The following RSPO3 variants were observed in gnomAD, a reference collection of about 807,000 sequenced individuals.
RSPO3 encodes R-spondin-3.
A neutral mutation model predicts 36.5 loss-of-function variants in RSPO3; 17 were observed. That is an observed-to-expected ratio of 0.47 (90% CI 0.32 to 0.70). RSPO3 has a LOEUF of 0.70. Ranked by LOEUF, RSPO3 falls within the 30% of genes least tolerant of loss-of-function variation. The pLI is 0.04. For synonymous variants in RSPO3, 108 were observed against 107.0 expected (o/e 1.01, Z -0.06); for missense variants, 294 against 322.5 (o/e 0.91, Z 0.68).
intron 4 of RSPO3, among the ~76,000 whole-genome samples, chr6:127,187,149 C>CA (rs1182370926): frequency 6.6e-6 from 1 of 151,466 alleles, no homozygotes; most frequent in Non-Finnish European, 1.5e-5. Context: ...ACGAGTGTTA[C>CA]AAAAAAAAGA....
intron 4 of RSPO3, among the ~76,000 whole-genome samples, chr6:127,175,667 C>T (rs1188259802): frequency 6.6e-6 from 1 of 151,734 alleles, no homozygotes; most frequent in Non-Finnish European, 1.5e-5. Flanking sequence ...AATTTTAGCA[C>T]AGTTGTGACA....
At chr6:127,174,929 T>C (rs1437712856) in intron 4 of RSPO3, among the ~76,000 whole-genome samples, 1 of 151,744 alleles carries the variant, frequency 6.6e-6, no homozygotes, top group Admixed American at 6.6e-5. Context: ...CAGCTTTATC[T>C]TAAACTTTAA....
At position 127,142,167 on chromosome 6, in the gene RSPO3, G is replaced by A. The variant is rs564281580; in HGVS notation, c.98-6481G>A. Among the ~76,000 whole-genome samples, 23 of 152,136 alleles carry A rather than the reference G, an allele frequency of 1.5e-4. 1 individual carries two copies. Among genetic ancestry groups the A allele is most frequent in the African/African-American group, 5.1e-4 (21 of 41,530 alleles). ...AATATCATAGTTTGATAATCCAAAAGGAGTGTTGTATCCAAATAAGTAATT... is the reference window on the plus strand; with the variant it reads ...AATATCATAGTTTGATAATCCAAAAAGAGTGTTGTATCCAAATAAGTAATT... On this transcript the variant is annotated intron_variant, in intron 1 of 4. Coordinates refer to ENST00000356698, the MANE Select transcript of RSPO3 (RefSeq NM_032784.5).
chr6:127,135,431 A>T (rs1774136527), intron 1 of RSPO3, among the ~76,000 whole-genome samples: 1 of 151,780 alleles, frequency 6.6e-6, no homozygotes, highest in South Asian at 2.1e-4. Context: ...AAAAAAAAAA[A>T]AAAAAAAAAA....
At chr6:127,131,640 A>G (rs1377914553) in intron 1 of RSPO3, among the ~76,000 whole-genome samples, 1 of 152,116 alleles carries the variant, frequency 6.6e-6, no homozygotes, top group African/African-American at 2.4e-5. Flanking sequence ...TAATTTTATA[A>G]TCTTCCAAAG....
At chr6:127,184,428 A>G (rs1444999758) in intron 4 of RSPO3, among the ~76,000 whole-genome samples, 2 of 151,986 alleles carry the variant, frequency 1.3e-5, no homozygotes, top group African/African-American at 4.8e-5. Flanking sequence ...GGTTGCACAT[A>G]GGGACCCAAT....
chr6:127,166,169 T>C (rs948713023), intron 4 of RSPO3, among the ~76,000 whole-genome samples: 2 of 152,030 alleles, frequency 1.3e-5, no homozygotes, highest in African/African-American at 2.4e-5. Context: ...AGTGTGTGCA[T>C]GTTTACTTGT....
At chr6:127,159,562 G>A (rs370778407) in intron 4 of RSPO3, among the ~76,000 whole-genome samples, 2 of 151,528 alleles carry the variant, frequency 1.3e-5, no homozygotes, top group African/African-American at 4.9e-5. Context: ...TGAGTATACT[G>A]TAGGTTGCCT....
chr6:127,167,612 A>G (rs951560637), intron 4 of RSPO3, among the ~76,000 whole-genome samples: 4 of 151,322 alleles, frequency 2.6e-5, no homozygotes, highest in Non-Finnish European at 5.9e-5. Flanking sequence ...TAATAGAATG[A>G]TTTTTTTTAT....
chr6:127,150,714 A>C, intron 3 of RSPO3, 142 bp downstream of exon 3: 1 of 698,354 alleles, frequency 1.4e-6, no homozygotes, highest in South Asian at 2.5e-5. Flanking sequence ...TTACAAAGAT[A>C]CTCTCTTAAA....
At chr6:127,193,538 T>A (rs1775455118) in intron 4 of RSPO3, among the ~76,000 whole-genome samples, 1 of 152,132 alleles carries the variant, frequency 6.6e-6, no homozygotes. Context: ...TGCTGACAAT[T>A]TTTTCGAGTT....
intron 1 of RSPO3, among the ~76,000 whole-genome samples, chr6:127,143,505 A>G (rs1774320697): frequency 6.6e-6 from 1 of 152,342 alleles, no homozygotes; most frequent in South Asian, 2.1e-4. Context: ...TGTTGTTAAA[A>G]ATAACTTAGA....
At chr6:127,131,004 T>C (rs1774042092) in intron 1 of RSPO3, among the ~76,000 whole-genome samples, 1 of 152,088 alleles carries the variant, frequency 6.6e-6, no homozygotes, top group African/African-American at 2.4e-5. Flanking sequence ...TGAATATAAT[T>C]TTAAAAGGAC....
At chr6:127,175,698 T>C (rs1048152984) in intron 4 of RSPO3, among the ~76,000 whole-genome samples, 1 of 151,754 alleles carries the variant, frequency 6.6e-6, no homozygotes, top group Non-Finnish European at 1.5e-5. Flanking sequence ...ACTCATAAAT[T>C]ACAAATTGAT....
At chr6:127,182,066 G>C (rs1775199684) in intron 4 of RSPO3, among the ~76,000 whole-genome samples, 1 of 151,806 alleles carries the variant, frequency 6.6e-6, no homozygotes, top group Non-Finnish European at 1.5e-5. Flanking sequence ...GAGAAGAAAA[G>C]AGAGAGTGTG....
intron 4 of RSPO3, among the ~76,000 whole-genome samples, chr6:127,169,711 T>C (rs1489026256): frequency 1.8e-4 from 28 of 151,950 alleles, no homozygotes; most frequent in Admixed American, 1.6e-3. Context: ...TAGTTTCCAC[T>C]GTATCATAAG....
At chr6:127,145,224 T>C (rs964216603) in intron 1 of RSPO3, among the ~76,000 whole-genome samples, 3 of 152,046 alleles carry the variant, frequency 2.0e-5, no homozygotes, top group Non-Finnish European at 4.4e-5. Context: ...CTACATGCCA[T>C]TGGCCACTAT....
In RSPO3 at chr6:127,197,466, C is replaced by T; in HGVS notation, c.*1459C>T. 1 of 1,550,578 alleles carries T rather than the reference C, an allele frequency of 6.4e-7. No individual in the cohort carries two copies. Among genetic ancestry groups the T allele is most frequent in the Non-Finnish European group, 8.7e-7 (1 of 1,146,968 alleles). Reference sequence around the variant, plus strand: ...CTAGCTGAAGGCCTCACCAGTGTTTCACAGAGGACACAGCCCACCCCTTGC... The same window carrying T: ...CTAGCTGAAGGCCTCACCAGTGTTTTACAGAGGACACAGCCCACCCCTTGC... On this transcript the variant is annotated 3_prime_UTR_variant, in exon 5 of 5. Coordinates refer to ENST00000356698, the MANE Select transcript of RSPO3 (RefSeq NM_032784.5).
intron 1 of RSPO3, among the ~76,000 whole-genome samples, chr6:127,136,436 C>T (rs1160659454): frequency 6.6e-6 from 1 of 152,208 alleles, no homozygotes. Flanking sequence ...CCTCATCAAA[C>T]ATATTCTATT....
Sources: allele counts gnomAD v4.1 joint callset (sites outside exome capture counted in the v4.1 genomes callset), GRCh38; gene constraint gnomAD v4.1.1; transcripts MANE v1.5; gene names NCBI Gene and HGNC (gene_info 2026-07-23, HGNC 2026-07-21).